Variants in ARHGAP15 observed in about 807,000 individuals in gnomAD.
The protein encoded by ARHGAP15 is rho GTPase-activating protein 15.
Under a neutral mutation model 63.7 loss-of-function variants are expected in ARHGAP15, and 51 were observed. The ratio of observed to expected loss-of-function variants is 0.80; its 90% CI spans 0.64 to 1.01. The LOEUF is 1.01. Among genes scored for constraint, ARHGAP15 ranks in the 50% least tolerant of loss-of-function variants. The pLI is 0.00. For missense variants in ARHGAP15, 560 were observed against 564.6 expected (o/e 0.99, Z 0.08); for synonymous variants, 191 against 193.8 (o/e 0.99, Z 0.12).
chr2:143,428,584 A>C (rs770282629), intron 6 of ARHGAP15, among the ~76,000 whole-genome samples: 1 of 152,078 alleles, frequency 6.6e-6, no homozygotes, highest in Non-Finnish European at 1.5e-5. Context: ...ATATATAGTA[A>C]AAGGCACAAA....
chr2:143,180,404 T>G (rs897503391), intron 2 of ARHGAP15, among the ~76,000 whole-genome samples: 6 of 152,236 alleles, frequency 3.9e-5, no homozygotes, highest in African/African-American at 1.4e-4. Flanking sequence ...CCACTTCTTA[T>G]TCTAGTTGTC....
At chr2:143,531,497 T>TTTA (rs1694523112) in intron 10 of ARHGAP15, among the ~76,000 whole-genome samples, 1 of 152,160 alleles carries the variant, frequency 6.6e-6, no homozygotes, top group African/African-American at 2.4e-5. Context: ...AAATAGCAGG[T>TTTA]TTATAGGGTA....
intron 9 of ARHGAP15, among the ~76,000 whole-genome samples, chr2:143,505,626 T>A (rs1302258012): frequency 6.6e-6 from 1 of 152,190 alleles, no homozygotes; most frequent in Non-Finnish European, 1.5e-5. Flanking sequence ...ACCACAGTGC[T>A]CAGAACAGCC....
intron 5 of ARHGAP15, among the ~76,000 whole-genome samples, chr2:143,239,990 C>CAAAAAAAAAAAAAAA (rs60960176): frequency 3.8e-5 from 1 of 26,468 alleles, no homozygotes; most frequent in Non-Finnish European, 6.9e-5. Flanking sequence ...GACTCTGTCT[C>CAAAAAAAAAAAAAAA]AAAAAAAAAA....
chr2:143,664,959 T>A (rs1682074250), intron 12 of ARHGAP15, among the ~76,000 whole-genome samples: 1 of 151,656 alleles, frequency 6.6e-6, no homozygotes, highest in Admixed American at 6.6e-5. Context: ...CAGGACCAGA[T>A]GGATTCACAG....
intron 6 of ARHGAP15, among the ~76,000 whole-genome samples, chr2:143,408,970 T>C (rs949449939): frequency 6.6e-6 from 1 of 151,990 alleles, no homozygotes; most frequent in Non-Finnish European, 1.5e-5. Flanking sequence ...CTTTAAAGCT[T>C]GGATTGAAGG....
intron 6 of ARHGAP15, among the ~76,000 whole-genome samples, chr2:143,291,601 G>A (rs1197321560): frequency 6.6e-6 from 1 of 152,082 alleles, no homozygotes; most frequent in South Asian, 2.1e-4. Context: ...AGGCCAGGAG[G>A]CAGTGTGCTG....
At chr2:143,346,628 A>G (rs1685313355) in intron 6 of ARHGAP15, among the ~76,000 whole-genome samples, 1 of 152,176 alleles carries the variant, frequency 6.6e-6, no homozygotes, top group African/African-American at 2.4e-5. Context: ...ACAGCAGATC[A>G]AAAAGAGGAG....
intron 12 of ARHGAP15, among the ~76,000 whole-genome samples, chr2:143,698,384 A>G (rs1338105778): frequency 3.9e-5 from 6 of 152,206 alleles, no homozygotes; most frequent in African/African-American, 1.4e-4. Context: ...TGCAAGTGTA[A>G]CTATCATAAA....
intron 6 of ARHGAP15, among the ~76,000 whole-genome samples, chr2:143,315,145 C>T (rs1310571268): frequency 6.6e-6 from 1 of 152,114 alleles, no homozygotes; most frequent in Non-Finnish European, 1.5e-5. Context: ...TAATACTTTT[C>T]TAAGCAAGTA....
intron 11 of ARHGAP15, among the ~76,000 whole-genome samples, chr2:143,594,566 A>G (rs1697440408): frequency 6.6e-6 from 1 of 152,168 alleles, no homozygotes; most frequent in Non-Finnish European, 1.5e-5. Flanking sequence ...GTTGTGATCC[A>G]GTTTTCCTGG....
chr2:143,539,934 T>C lies in ARHGAP15; in HGVS notation c.926-16474T>C, dbSNP rs565516691. Among the ~76,000 whole-genome samples, 4 of 152,034 alleles carry C rather than the reference T, an allele frequency of 2.6e-5. No homozygotes were observed. The South Asian group carries it at 8.3e-4, about 32-fold the overall frequency. On this transcript the variant is annotated intron_variant, in intron 10 of 13. Coordinates refer to ENST00000295095, the MANE Select transcript of ARHGAP15 (RefSeq NM_018460.4). ...AGCTGAGTTCAATTCCTGGATATCC[T>C]TGTTTACTTTCTGTCTCGTTGATCT...
chr2:143,662,224 C>G (rs554818769), intron 12 of ARHGAP15, among the ~76,000 whole-genome samples: 5 of 151,940 alleles, frequency 3.3e-5, no homozygotes, highest in African/African-American at 9.7e-5. Flanking sequence ...GATCTGAGAA[C>G]GGGCAGACTG....
intron 12 of ARHGAP15, among the ~76,000 whole-genome samples, chr2:143,644,324 G>T (rs563324121): frequency 4.6e-5 from 7 of 152,048 alleles, no homozygotes; most frequent in African/African-American, 1.4e-4. Flanking sequence ...CTGGGTACAG[G>T]GCAGGACACC....
chr2:143,674,926 G>A (rs1682750825), intron 12 of ARHGAP15, among the ~76,000 whole-genome samples: 1 of 152,114 alleles, frequency 6.6e-6, no homozygotes. Flanking sequence ...CTTAAAATAA[G>A]ACAACAAATA....
intron 13 of ARHGAP15, among the ~76,000 whole-genome samples, chr2:143,750,103 A>C (rs971275766): frequency 6.6e-6 from 1 of 152,242 alleles, no homozygotes; most frequent in African/African-American, 2.4e-5. Context: ...TTCCATGTTT[A>C]TAAAACAATT....
intron 1 of ARHGAP15, among the ~76,000 whole-genome samples, chr2:143,133,668 A>G (rs1355782253): frequency 2.6e-5 from 4 of 152,208 alleles, no homozygotes; most frequent in Non-Finnish European, 5.9e-5. Context: ...TAATTTAAGA[A>G]TAGATGATAT....
At chr2:143,257,318 C>A (rs1680475587) in intron 6 of ARHGAP15, among the ~76,000 whole-genome samples, 1 of 152,070 alleles carries the variant, frequency 6.6e-6, no homozygotes, top group Non-Finnish European at 1.5e-5. Flanking sequence ...ACATTTTGGT[C>A]CCCAATTAGT....
intron 10 of ARHGAP15, among the ~76,000 whole-genome samples, chr2:143,524,188 A>G (rs1694169750): frequency 7.0e-6 from 1 of 142,658 alleles, no homozygotes; most frequent in African/African-American, 2.6e-5. Flanking sequence ...TTTATCTCTC[A>G]ACTTGACTTC....
Sources: allele counts gnomAD v4.1 joint callset (sites outside exome capture counted in the v4.1 genomes callset), GRCh38; gene constraint gnomAD v4.1.1; transcripts MANE v1.5; gene names NCBI Gene and HGNC (gene_info 2026-07-23, HGNC 2026-07-21).